Variants in TACR1 observed in about 807,000 individuals in gnomAD.
The protein encoded by TACR1 is tachykinin receptor 1, also known as substance-P receptor.
TACR1 carries 25 observed loss-of-function variants against 35.8 expected under a neutral mutation model. The ratio of observed to expected loss-of-function variants is 0.70; its 90% CI spans 0.51 to 0.98. The LOEUF (loss-of-function observed/expected upper bound fraction) is 0.98, where lower values mean the gene tolerates loss of function less well. TACR1 is among the 50% of genes least tolerant of loss of function. The pLI is 0.00. For synonymous variants in TACR1, 195 were observed against 206.7 expected, an observed-to-expected ratio of 0.94 and a Z score of 0.48; for missense variants, 478 against 522.9, an observed-to-expected ratio of 0.91 and a Z score of 0.84.
At chr2:75,053,839 G>T (rs1415705170) in intron 2 of TACR1, 84 bp from the exon 3 acceptor site, 13 of 1,548,916 alleles carry the variant, frequency 8.4e-6, no homozygotes, top group Non-Finnish European at 1.1e-5. Flanking sequence ...TTGCAGTCAA[G>T]GTTTGGCAGC....
chr2:75,107,190 C>T (rs1673667620), intron 2 of TACR1, among the ~76,000 whole-genome samples: 1 of 151,814 alleles, frequency 6.6e-6, no homozygotes, highest in Non-Finnish European at 1.5e-5. Flanking sequence ...AATGTATAAT[C>T]TATAGTGAAA....
At chr2:75,092,285 C>G (rs893582191) in intron 2 of TACR1, among the ~76,000 whole-genome samples, 2 of 152,058 alleles carry the variant, frequency 1.3e-5, no homozygotes, top group Non-Finnish European at 2.9e-5. Flanking sequence ...TTAAAAACCT[C>G]CCTGCTTGAT....
At chr2:75,164,782 T>C (rs577193689) in intron 1 of TACR1, among the ~76,000 whole-genome samples, 3 of 152,366 alleles carry the variant, frequency 2.0e-5, no homozygotes, top group African/African-American at 4.8e-5. Flanking sequence ...TGTCTCACCA[T>C]GCCCACTGCT....
chr2:75,119,818 G>A (rs192591943), intron 2 of TACR1, among the ~76,000 whole-genome samples: 10 of 152,240 alleles, frequency 6.6e-5, no homozygotes, highest in Non-Finnish European at 1.3e-4. Flanking sequence ...TTCCGCAAAG[G>A]GGAATCCTTA....
intron 1 of TACR1, among the ~76,000 whole-genome samples, chr2:75,157,748 G>C (rs1423635912): frequency 6.6e-6 from 1 of 152,208 alleles, no homozygotes; most frequent in Non-Finnish European, 1.5e-5. Context: ...TGGGTTTTAA[G>C]CAATTCAAAT....
rs150873497 is a variant in TACR1 at position 75,120,623 on chromosome 2, C to T, written c.535G>A (p.Val179Met). ...STTETMPSRV[V>M]CMIEWPEHPN... Reference sequence around the variant, plus strand: ...TGCTCTGGCCATTCGATCATGCACACGACTCTGCTGGGCATGGTCTCTGTG... The same window carrying T: ...TGCTCTGGCCATTCGATCATGCACATGACTCTGCTGGGCATGGTCTCTGTG... The change falls in exon 2 of 5, where the codon GTG (valine) becomes ATG (methionine). Residue 179 changes from valine to methionine, a missense_variant. By Grantham distance (21) the Val-to-Met change is conservative. Coordinates refer to ENST00000305249, the MANE Select transcript of TACR1 (RefSeq NM_001058.4). 5.0e-6 allele frequency: 8 copies of T among 1,612,460 alleles called. No homozygotes were observed. Among genetic ancestry groups the T allele is most frequent in the African/African-American group, 1.3e-5 (1 of 74,904 alleles).
At chr2:75,180,168 G>A (rs894519305) in intron 1 of TACR1, among the ~76,000 whole-genome samples, 1 of 152,054 alleles carries the variant, frequency 6.6e-6, no homozygotes, top group African/African-American at 2.4e-5. Flanking sequence ...GTTTTAAATG[G>A]CTTCCTTCTA....
At chr2:75,053,966 T>C (rs1672520822) in intron 2 of TACR1, among the ~76,000 whole-genome samples, 1 of 152,188 alleles carries the variant, frequency 6.6e-6, no homozygotes, top group African/African-American at 2.4e-5. Context: ...GAAAACAATT[T>C]ATGTTTTTCT....
At chr2:75,185,322 A>G (rs1675665271) in intron 1 of TACR1, among the ~76,000 whole-genome samples, 1 of 152,086 alleles carries the variant, frequency 6.6e-6, no homozygotes, top group Non-Finnish European at 1.5e-5. Flanking sequence ...GAGTTGAGGA[A>G]GGTCTTTTTA....
intron 1 of TACR1, among the ~76,000 whole-genome samples, chr2:75,123,660 A>C (rs1203067826): frequency 6.6e-6 from 1 of 152,186 alleles, no homozygotes; most frequent in Non-Finnish European, 1.5e-5. Context: ...TCATTTGTTC[A>C]AAACAGAGGT....
chr2:75,169,317 C>T (rs1253911628), intron 1 of TACR1, among the ~76,000 whole-genome samples: 2 of 152,000 alleles, frequency 1.3e-5, no homozygotes, highest in Non-Finnish European at 2.9e-5. Context: ...TATAGTATGT[C>T]TTTGTATTGG....
intron 1 of TACR1, among the ~76,000 whole-genome samples, chr2:75,158,351 A>T (rs1674916466): frequency 1.3e-5 from 2 of 152,254 alleles, no homozygotes; most frequent in Non-Finnish European, 2.9e-5. Context: ...CCCAGGCAGA[A>T]AATGCATATT....
At chr2:75,067,454 T>C (rs1672786252) in intron 2 of TACR1, among the ~76,000 whole-genome samples, 1 of 152,150 alleles carries the variant, frequency 6.6e-6, no homozygotes, top group Non-Finnish European at 1.5e-5. Context: ...TATTTTGTAC[T>C]AGGTGCTGAG....
chr2:75,069,425 A>T (rs1376205786), intron 2 of TACR1, among the ~76,000 whole-genome samples: 1 of 152,140 alleles, frequency 6.6e-6, no homozygotes, highest in African/African-American at 2.4e-5. Flanking sequence ...CAAAGATAAA[A>T]CAGAGTTTCA....
At chr2:75,101,001 TC>T (rs1346388467) in intron 2 of TACR1, among the ~76,000 whole-genome samples, 1 of 152,090 alleles carries the variant, frequency 6.6e-6, no homozygotes, top group East Asian at 1.9e-4. Flanking sequence ...AGTTCCAATG[TC>T]TATACCCAGA....
chr2:75,148,779 A>G (rs530420700), intron 1 of TACR1, among the ~76,000 whole-genome samples: 352 of 152,178 alleles, frequency 2.3e-3, no homozygotes, highest in Non-Finnish European at 3.8e-3. Context: ...TGGTGTTTTC[A>G]TCATGAAATC....
At chr2:75,183,320 C>T (rs778552872) in intron 1 of TACR1, among the ~76,000 whole-genome samples, 7 of 151,750 alleles carry the variant, frequency 4.6e-5, no homozygotes, top group East Asian at 1.9e-4. Context: ...GGGAGGGCCT[C>T]GAAAAAATGA....
intron 1 of TACR1, among the ~76,000 whole-genome samples, chr2:75,163,433 A>G (rs754629091): frequency 6.6e-6 from 1 of 152,248 alleles, no homozygotes; most frequent in Non-Finnish European, 1.5e-5. Flanking sequence ...AAAGGCATTT[A>G]CATAAGTCTT....
At position 75,112,024 on chromosome 2, in the gene TACR1, G is replaced by A. The variant is rs185963608; in HGVS notation, c.584+8550C>T. ...GTGACTATCCAAGTTGTGGGCAGCG[G>A]TAGTATAGAGAGTAATCTACAAACT... On this transcript the variant is annotated intron_variant, in intron 2 of 4. Coordinates refer to ENST00000305249, the MANE Select transcript of TACR1 (RefSeq NM_001058.4). Among the ~76,000 whole-genome samples the A allele has an allele frequency of 1.5e-3, 223 of 152,134 alleles. 2 individuals are homozygous for A. The highest frequency in any genetic ancestry group is 9.9e-4 in the Non-Finnish European group (67 of 67,904).
Sources: allele counts gnomAD v4.1 joint callset (sites outside exome capture counted in the v4.1 genomes callset), GRCh38; gene constraint gnomAD v4.1.1; transcripts MANE v1.5; gene names NCBI Gene and HGNC (gene_info 2026-07-23, HGNC 2026-07-21).